Variants in USP37 observed in about 807,000 individuals in gnomAD.
USP37 encodes the protein ubiquitin carboxyl-terminal hydrolase 37.
Under a neutral mutation model 124.0 loss-of-function variants are expected in USP37, and 27 were observed. The observed-to-expected ratio is 0.22, with a 90% CI of 0.16 to 0.30. The LOEUF (loss-of-function observed/expected upper bound fraction) is 0.30, where lower values mean the gene tolerates loss of function less well. USP37 is among the 10% of genes least tolerant of loss of function. USP37 has a pLI of 1.00. For synonymous variants in USP37, 365 were observed against 388.0 expected, an observed-to-expected ratio of 0.94 and a Z score of 0.70; for missense variants, 889 against 1,140.4, an observed-to-expected ratio of 0.78 and a Z score of 3.17.
At chr2:218,501,009 G>C (rs916942629) in intron 11 of USP37, 1 of 162,826 alleles carries the variant, frequency 6.1e-6, no homozygotes, top group South Asian at 2.1e-4. Context: ...CGGGGTGACA[G>C]ATGTCACAGT....
chr2:218,556,761 C>A (rs1693003464), intron 4 of USP37, among the ~76,000 whole-genome samples: 1 of 152,020 alleles, frequency 6.6e-6, no homozygotes, highest in Non-Finnish European at 1.5e-5. Flanking sequence ...GATCTGCCCA[C>A]CTCAGCCTCC....
In USP37 at chr2:218,546,312, A is replaced by G. The variant is rs768148108; in HGVS notation, c.603-14T>C. 1 of 1,591,218 alleles carries G rather than the reference A, an allele frequency of 6.3e-7. No homozygotes were observed. Among genetic ancestry groups the G allele is most frequent in the East Asian group, 2.2e-5 (1 of 44,728 alleles). The stretch of plus-strand genomic sequence containing the variant: ...CTCTTTTCAGTACTACAGAGAACAA[A>G]GAAAAGGTTACTTTTAAAAAGCCAC... On this transcript the variant is annotated splice_polypyrimidine_tract_variant and intron_variant, in intron 7 of 25. Coordinates refer to ENST00000258399, the MANE Select transcript of USP37 (RefSeq NM_020935.3).
chr2:218,546,371 C>A, intron 7 of USP37, 73 bp from the exon 8 acceptor site: 1 of 1,039,874 alleles, frequency 9.6e-7, no homozygotes, highest in South Asian at 1.4e-5. Flanking sequence ...AATCAACATA[C>A]TGAAGGACAG....
intron 16 of USP37, among the ~76,000 whole-genome samples, chr2:218,483,543 T>TA (rs1691374882): frequency 6.7e-6 from 1 of 149,656 alleles, no homozygotes; most frequent in African/African-American, 2.5e-5. Context: ...CAGAAGCTTC[T>TA]ATCACATAAG....
chr2:218,546,719 C>G (rs979746650), intron 7 of USP37, among the ~76,000 whole-genome samples, 200 bp downstream of exon 7: 2 of 152,092 alleles, frequency 1.3e-5, no homozygotes, highest in Admixed American at 1.3e-4. Flanking sequence ...ACACCTGGCC[C>G]ATATTTAAAT....
intron 4 of USP37, among the ~76,000 whole-genome samples, chr2:218,556,521 T>C (rs1276757496): frequency 1.4e-5 from 2 of 139,702 alleles, no homozygotes; most frequent in Non-Finnish European, 3.1e-5. Context: ...TTTTTTTTTT[T>C]TTTTTTTTTG....
intron 22 of USP37, among the ~76,000 whole-genome samples, chr2:218,461,325 T>C (rs1051043070): frequency 6.6e-6 from 1 of 151,658 alleles, no homozygotes; most frequent in Non-Finnish European, 1.5e-5. Flanking sequence ...CTGACCAACA[T>C]GGTAAACTCC....
In USP37 at chr2:218,457,125, C is replaced by T; in HGVS notation, c.2680G>A (p.Val894Ile). 1.2e-6 allele frequency: 2 copies of T among 1,613,990 alleles called. No individual in the cohort carries two copies. The highest frequency in any genetic ancestry group is 1.3e-5 in the African/African-American group (1 of 75,008). Residue 894 changes from valine to isoleucine, a missense_variant, in exon 24 of 26, where the codon GTT (valine) becomes ATT (isoleucine). By Grantham distance (29) the Val-to-Ile change is conservative. Transcript: ENST00000258399. ...NLPHSYRLIS[V>I]VSHIGSTSSS... ...GAAGTGCTACCAATGTGACTGACAA[C>T]ACTGATGAGCCGGTACGAATGAGGC... is the stretch of plus-strand genomic sequence containing the variant.
chr2:218,517,678 T>A (rs983440627), intron 10 of USP37, among the ~76,000 whole-genome samples: 2 of 152,198 alleles, frequency 1.3e-5, no homozygotes, highest in Non-Finnish European at 2.9e-5. Flanking sequence ...CACTATGACA[T>A]GCCTAAGGGT....
rs1052071286 is a variant in USP37 at position 218,552,404 on chromosome 2, C to T, written c.328+1149G>A. Among the ~76,000 whole-genome samples the T allele has an allele frequency of 2.0e-5, 3 of 151,892 alleles. No homozygotes were observed. The East Asian group carries it at 5.8e-4, about 29-fold the overall frequency. Reference sequence around the variant, plus strand: ...GTGATAGTAGAGAACTCATTTTAAGCAGAGATTTTTTCCTAAAAAGATGGC... The same window carrying T: ...GTGATAGTAGAGAACTCATTTTAAGTAGAGATTTTTTCCTAAAAAGATGGC... On this transcript the variant is annotated intron_variant, in intron 5 of 25. Transcript: ENST00000258399.
chr2:218,528,777 C>G (rs902380876), intron 10 of USP37: 1 of 180,526 alleles, frequency 5.5e-6, no homozygotes, highest in South Asian at 4.9e-5. Flanking sequence ...TAGCAGGTAT[C>G]TTATGTATTT....
At chr2:218,494,144 G>C (rs1688948664) in intron 14 of USP37, among the ~76,000 whole-genome samples, 1 of 152,202 alleles carries the variant, frequency 6.6e-6, no homozygotes, top group African/African-American at 2.4e-5. Context: ...CTGAATGAAA[G>C]CAAGCAGTGT....
intron 11 of USP37, among the ~76,000 whole-genome samples, chr2:218,499,869 C>T (rs1285666425): frequency 6.6e-6 from 1 of 151,692 alleles, no homozygotes; most frequent in Non-Finnish European, 1.5e-5. Context: ...GCAGCCTCAA[C>T]CTCCCGGGCT....
intron 15 of USP37, 49 bp downstream of exon 15, chr2:218,488,255 T>G: frequency 1.7e-6 from 2 of 1,166,298 alleles, no homozygotes; most frequent in Non-Finnish European, 2.5e-6. Flanking sequence ...AATACAACTA[T>G]CAATGATATA....
At chr2:218,505,208 GT>G (rs1003548057) in intron 11 of USP37, among the ~76,000 whole-genome samples, 15 of 151,894 alleles carry the variant, frequency 9.9e-5, no homozygotes, top group African/African-American at 3.1e-4. Context: ...TTGTAGAGAT[GT>G]GGTTTTTCTG....
At chr2:218,463,438 C>A in intron 21 of USP37, 72 bp from the exon 22 acceptor site, 2 of 1,395,220 alleles carry the variant, frequency 1.4e-6, no homozygotes, top group South Asian at 2.3e-5. Flanking sequence ...AGGATAAAAT[C>A]AGTTTCTCTG....
At chr2:218,510,473 CT>C (rs1360296344) in intron 10 of USP37, among the ~76,000 whole-genome samples, 1 of 152,162 alleles carries the variant, frequency 6.6e-6, no homozygotes, top group Non-Finnish European at 1.5e-5. Context: ...TTACAGTATA[CT>C]TTTTCCACTG....
chr2:218,474,563 T>C, intron 20 of USP37, 67 bp downstream of exon 20: 5 of 1,578,140 alleles, frequency 3.2e-6, no homozygotes, highest in African/African-American at 1.4e-5. Flanking sequence ...TGGAGGTTAT[T>C]TGTCACTACA....
Position 218,546,216 on chromosome 2 carries a change from C to T in USP37, c.680+5G>A. On this transcript the variant is annotated splice_donor_5th_base_variant and intron_variant, in intron 8 of 25. Transcript: ENST00000258399. ...AACACTATAAAGGCCCTTAAAGTAA[C>T]TTACGATGATGAATCATTTTCCTTA... 4 of 1,609,658 alleles carry T rather than the reference C, an allele frequency of 2.5e-6. No homozygotes were observed. Among genetic ancestry groups the T allele is most frequent in the Non-Finnish European group, 3.4e-6 (4 of 1,177,454 alleles).
Sources: gnomAD v4.1 joint callset for allele counts (sites outside exome capture counted in the v4.1 genomes callset) on GRCh38, gnomAD v4.1.1 for gene constraint, MANE v1.5 for transcripts, NCBI Gene and HGNC (gene_info 2026-07-23, HGNC 2026-07-21) for gene names.